PPA2: variants seen among roughly 807,000 people sequenced by gnomAD.
PPA2 encodes the protein inorganic pyrophosphatase 2, mitochondrial.
In PPA2, 48 loss-of-function variants were observed where a neutral mutation model predicts 49.5. That is an observed-to-expected ratio of 0.97 (90% CI 0.77 to 1.23). The LOEUF (loss-of-function observed/expected upper bound fraction) is 1.23. Ranked by LOEUF, PPA2 falls within the 50% of genes most tolerant of loss-of-function variation. The pLI, the probability that PPA2 is intolerant of heterozygous loss-of-function variation, is 0.00. For missense variants in PPA2, 429 were observed against 410.1 expected (o/e 1.05, Z -0.40); for synonymous variants, 131 against 139.9 (o/e 0.94, Z 0.45).
intron 7 of PPA2, among the ~76,000 whole-genome samples, chr4:105,402,256 A>C (rs556418973): frequency 6.7e-6 from 1 of 150,164 alleles, no homozygotes; most frequent in South Asian, 2.1e-4. Context: ...AAAAACAAAA[A>C]AGAAAAAAAA....
rs539151360 is a variant in PPA2 at position 105,383,951 on chromosome 4, C to T, written c.939+2616G>A. The stretch of plus-strand genomic sequence containing the variant: ...TGAAGACTGTACAATATTCAGTATA[C>T]AGCAAAATGAAGAGACATGGAAATA... On this transcript the variant is annotated intron_variant, in intron 10 of 11. Transcript: ENST00000341695. Among the ~76,000 whole-genome samples the T allele has an allele frequency of 3.3e-4, 50 of 150,434 alleles. No individual in the cohort carries two copies. The South Asian group carries it at 5.9e-3, about 18-fold the overall frequency.
At chr4:105,409,619 C>T (rs958936208) in intron 7 of PPA2, among the ~76,000 whole-genome samples, 1 of 152,240 alleles carries the variant, frequency 6.6e-6, no homozygotes, top group African/African-American at 2.4e-5. Flanking sequence ...TGTAGCCGGA[C>T]TGGCAGACAC....
chr4:105,430,896 A>G (rs566946074), intron 6 of PPA2, among the ~76,000 whole-genome samples: 1 of 152,358 alleles, frequency 6.6e-6, no homozygotes, highest in Admixed American at 6.5e-5. Flanking sequence ...AAACTAGTGT[A>G]CAGTGTAGAT....
At chr4:105,458,214 T>C (rs1180550931) in intron 1 of PPA2, among the ~76,000 whole-genome samples, 1 of 151,994 alleles carries the variant, frequency 6.6e-6, no homozygotes, top group African/African-American at 2.4e-5. Flanking sequence ...AGTAAGGAAA[T>C]ATGATGACTA....
intron 7 of PPA2, among the ~76,000 whole-genome samples, chr4:105,416,671 G>A (rs1399104915): frequency 1.3e-5 from 2 of 152,182 alleles, no homozygotes; most frequent in African/African-American, 4.8e-5. Context: ...AGAGGTCCCT[G>A]CAAAGAGAAC....
chr4:105,380,129 A>T (rs1008585922), intron 10 of PPA2, among the ~76,000 whole-genome samples: 1 of 152,190 alleles, frequency 6.6e-6, no homozygotes, highest in African/African-American at 2.4e-5. Flanking sequence ...GAACAATAGT[A>T]GTAGAAGCCA....
chr4:105,433,567 C>A (rs950569372), intron 6 of PPA2, among the ~76,000 whole-genome samples: 1 of 152,214 alleles, frequency 6.6e-6, no homozygotes, highest in Non-Finnish European at 1.5e-5. Context: ...TTTGTGCATG[C>A]CTCCAGGGGT....
In PPA2 at chr4:105,456,666, A is replaced by G; in HGVS notation, c.222+15T>C. On this transcript the variant is annotated intron_variant, in intron 2 of 11. Coordinates refer to ENST00000341695, the MANE Select transcript of PPA2 (RefSeq NM_176869.3). ...CAGTACACGTTTTCATTCCCAAAAC[A>G]AGTCAAAACAATACCTCTTTAGAGT... 1.3e-6 allele frequency: 2 copies of G among 1,577,676 alleles called. No homozygotes were observed. The highest frequency in any genetic ancestry group is 1.7e-6 in the Non-Finnish European group (2 of 1,155,930).
intron 7 of PPA2, among the ~76,000 whole-genome samples, chr4:105,404,300 T>C (rs764876668): frequency 6.6e-6 from 1 of 151,960 alleles, no homozygotes; most frequent in Non-Finnish European, 1.5e-5. Context: ...AACTCTTGCC[T>C]ACTGAAAAAG....
chr4:105,405,136 T>A (rs1722401936), intron 7 of PPA2: 3 of 572,032 alleles, frequency 5.2e-6, no homozygotes, highest in Non-Finnish European at 4.4e-6. Flanking sequence ...TTAATTTTTT[T>A]AGAAAAATAC....
intron 9 of PPA2, among the ~76,000 whole-genome samples, chr4:105,389,218 T>C (rs1560607884): frequency 3.9e-5 from 6 of 152,186 alleles, no homozygotes. Context: ...AAAATAGTTG[T>C]TTAACATTGA....
intron 7 of PPA2, among the ~76,000 whole-genome samples, chr4:105,400,267 G>A (rs930736885): frequency 5.3e-5 from 8 of 151,154 alleles, no homozygotes; most frequent in Non-Finnish European, 7.4e-5. Context: ...TTGAACGAAC[G>A]GTTTTCTTAT....
chr4:105,370,568 T>TG, intron 11 of PPA2: 1 of 970,424 alleles, frequency 1.0e-6, no homozygotes, highest in Non-Finnish European at 1.2e-6. Flanking sequence ...CAGAACTGGC[T>TG]GGAATATCTC....
chr4:105,442,494 A>G (rs1724416627), intron 5 of PPA2, among the ~76,000 whole-genome samples: 1 of 152,240 alleles, frequency 6.6e-6, no homozygotes, highest in African/African-American at 2.4e-5. Context: ...ATTAAGACTG[A>G]AGAAATTTTG....
At chr4:105,372,650 T>C (rs543464436) in intron 10 of PPA2, among the ~76,000 whole-genome samples, 1 of 152,318 alleles carries the variant, frequency 6.6e-6, no homozygotes, top group East Asian at 1.9e-4. Context: ...TCAGATTTCA[T>C]CTGCTCAACT....
rs1723851781 is a variant in PPA2, at chr4:105,432,416, T to C, written c.528+5534A>G. ...GCAGAAAAACTTGTTGCAATGCAGC[T>C]GATTTAAATCAAGACTTTAATCAAA... is the stretch of plus-strand genomic sequence containing the variant. On this transcript the variant is annotated intron_variant, in intron 6 of 11. Transcript: ENST00000341695. Among the ~76,000 whole-genome samples the C allele has an allele frequency of 2.6e-5, 4 of 152,250 alleles. No individual in the cohort carries two copies. The South Asian group carries it at 8.3e-4, about 31-fold the overall frequency.
At chr4:105,431,647 T>G (rs1384186019) in intron 6 of PPA2, among the ~76,000 whole-genome samples, 1 of 152,234 alleles carries the variant, frequency 6.6e-6, no homozygotes, top group Non-Finnish European at 1.5e-5. Context: ...ATAGCAGCAC[T>G]ATTCATAATA....
intron 1 of PPA2, among the ~76,000 whole-genome samples, chr4:105,470,721 A>T (rs1723489621): frequency 6.6e-6 from 1 of 152,220 alleles, no homozygotes; most frequent in Non-Finnish European, 1.5e-5. Flanking sequence ...ATAATTACAC[A>T]CATAGTCTCA....
chr4:105,373,240 T>C (rs1451829967), intron 10 of PPA2, among the ~76,000 whole-genome samples: 3 of 152,158 alleles, frequency 2.0e-5, no homozygotes, highest in African/African-American at 7.2e-5. Flanking sequence ...TTAACCATCG[T>C]TGGTTTTGAG....
Sources: gnomAD v4.1 joint callset for allele counts (sites outside exome capture counted in the v4.1 genomes callset) on GRCh38, gnomAD v4.1.1 for gene constraint, MANE v1.5 for transcripts, NCBI Gene and HGNC (gene_info 2026-07-23, HGNC 2026-07-21) for gene names.